The following CDKAL1 variants were observed in gnomAD, a reference collection of about 807,000 sequenced individuals.
The protein encoded by CDKAL1 is threonylcarbamoyladenosine tRNA methylthiotransferase.
Under a neutral mutation model 68.2 loss-of-function variants are expected in CDKAL1, and 32 were observed. The observed-to-expected ratio is 0.47, with a 90% CI of 0.35 to 0.63. The LOEUF (loss-of-function observed/expected upper bound fraction) is 0.63, where lower values mean the gene tolerates loss of function less well. Ranked by LOEUF, CDKAL1 falls within the 30% of genes least tolerant of loss-of-function variation. The probability of loss-of-function intolerance (pLI) is 0.00; values close to 1 mark genes in which losing one functional copy is unlikely to be tolerated. For missense variants in CDKAL1, 606 were observed against 696.7 expected (o/e 0.87, Z 1.47); for synonymous variants, 234 against 244.3 (o/e 0.96, Z 0.39).
In CDKAL1 at chr6:20,649,461, A is replaced by G. The variant is rs952772838; in HGVS notation, c.371+84A>G. ...AGATTAGCTTTTTAAAAATGTCAAT[A>G]TAGATATTTAGTTTATATTAAAAAA... On this transcript the variant is annotated intron_variant, in intron 5 of 15. Transcript: ENST00000274695. 6.8e-6 allele frequency: 5 copies of G among 730,086 alleles called. No individual in the cohort carries two copies. In the African/African-American group the frequency reaches 7.3e-5, roughly 11 times the overall value. The allele number at this position is 730,086 out of a possible 1,614,324, so 45.2% of individuals were successfully genotyped here.
intron 7 of CDKAL1, among the ~76,000 whole-genome samples, chr6:20,768,647 G>A (rs1000823284): frequency 6.6e-6 from 1 of 152,050 alleles, no homozygotes; most frequent in South Asian, 2.1e-4. Flanking sequence ...GCAGTTCTGG[G>A]CAGTGACAGG....
intron 15 of CDKAL1, among the ~76,000 whole-genome samples, chr6:21,206,885 C>A (rs1428281365): frequency 3.3e-5 from 5 of 151,788 alleles, no homozygotes; most frequent in Non-Finnish European, 5.9e-5. Flanking sequence ...CTTTAAAAAG[C>A]AGTGGTTTCC....
chr6:20,708,965 C>T (rs1479223980), intron 5 of CDKAL1, among the ~76,000 whole-genome samples: 1 of 152,030 alleles, frequency 6.6e-6, no homozygotes, highest in African/African-American at 2.4e-5. Context: ...TGCTTCAGTA[C>T]TTCATGATTT....
intron 11 of CDKAL1, among the ~76,000 whole-genome samples, chr6:21,019,744 G>A (rs1001949524): frequency 4.6e-5 from 7 of 152,098 alleles, no homozygotes; most frequent in Admixed American, 4.6e-4. Context: ...TCATCATACA[G>A]CAATAGACAA....
intron 8 of CDKAL1, among the ~76,000 whole-genome samples, chr6:20,798,464 G>A (rs780773710): frequency 3.0e-4 from 45 of 152,192 alleles, no homozygotes; most frequent in Non-Finnish European, 5.4e-4. Flanking sequence ...GCATGCACAC[G>A]TATGTTTATT....
intron 13 of CDKAL1, among the ~76,000 whole-genome samples, chr6:21,136,633 A>G (rs1775614578): frequency 6.6e-6 from 1 of 152,144 alleles, no homozygotes; most frequent in African/African-American, 2.4e-5. Flanking sequence ...AAATAAATCT[A>G]TTGCTCTTTC....
At chr6:21,186,332 G>C (rs889842766) in intron 13 of CDKAL1, among the ~76,000 whole-genome samples, 3 of 152,018 alleles carry the variant, frequency 2.0e-5, no homozygotes, top group Admixed American at 2.0e-4. Context: ...TGGGGAATGG[G>C]GGGGAATGTA....
intron 12 of CDKAL1, among the ~76,000 whole-genome samples, chr6:21,077,618 C>A (rs1772142090): frequency 6.6e-6 from 1 of 152,170 alleles, no homozygotes; most frequent in Admixed American, 6.5e-5. Flanking sequence ...AGGAAAGGGG[C>A]AGGGGGAAGT....
Position 20,672,904 on chromosome 6 carries a change from G to A in CDKAL1, c.371+23527G>A, listed in dbSNP as rs140530927. ...TGATTCTCCTGCCTCAGCCTCCCGA[G>A]TAGCTGGGATTACAGGCGCGAGCTA... On this transcript the variant is annotated intron_variant, in intron 5 of 15. Transcript: ENST00000274695. Among the ~76,000 whole-genome samples, 628 of 152,178 alleles carry A rather than the reference G, an allele frequency of 4.1e-3. 4 individuals are homozygous for A. Among genetic ancestry groups the A allele is most frequent in the Non-Finnish European group, 5.1e-3 (346 of 67,994 alleles).
chr6:20,566,130 A>T (rs184391384), intron 4 of CDKAL1, among the ~76,000 whole-genome samples: 52 of 152,250 alleles, frequency 3.4e-4, no homozygotes, highest in Non-Finnish European at 5.9e-5. Flanking sequence ...GTAAAATGTG[A>T]TATTAGACTA....
chr6:20,591,184 G>C (rs753163246), intron 4 of CDKAL1, among the ~76,000 whole-genome samples: 1 of 151,968 alleles, frequency 6.6e-6, no homozygotes, highest in Non-Finnish European at 1.5e-5. Flanking sequence ...CATATTCTTC[G>C]CCCACTTTTT....
chr6:21,058,346 G>T (rs1217518299), intron 11 of CDKAL1, among the ~76,000 whole-genome samples: 2 of 151,878 alleles, frequency 1.3e-5, no homozygotes, highest in African/African-American at 4.8e-5. Flanking sequence ...CTTGCTTTTT[G>T]CTGCTTTCCA....
chr6:20,570,485 C>G (rs1764655694), intron 4 of CDKAL1, among the ~76,000 whole-genome samples: 1 of 151,946 alleles, frequency 6.6e-6, no homozygotes, highest in African/African-American at 2.4e-5. Context: ...ACTGCAACCC[C>G]CGCCTCCTGG....
In CDKAL1 at chr6:21,138,366, A is replaced by T. The variant is rs2151030499; in HGVS notation, c.1299+29903A>T. On this transcript the variant is annotated intron_variant, in intron 13 of 15. Coordinates refer to ENST00000274695, the MANE Select transcript of CDKAL1 (RefSeq NM_017774.3). ...TTTCACAAACATAATTTTATTTCTA[A>T]CATTTTTGTAATCCAAATGTGCTAA... is the stretch of plus-strand genomic sequence containing the variant. Among the ~76,000 whole-genome samples, 3 of 152,304 alleles carry T rather than the reference A, an allele frequency of 2.0e-5. No individual in the cohort carries two copies. In the South Asian group the frequency reaches 6.2e-4, roughly 32 times the overall value.
intron 9 of CDKAL1, among the ~76,000 whole-genome samples, chr6:20,921,215 G>A (rs1228037417): frequency 6.6e-6 from 1 of 152,154 alleles, no homozygotes; most frequent in African/African-American, 2.4e-5. Flanking sequence ...CGGATCACGA[G>A]GTCAAGAGAT....
At chr6:20,881,996 C>T (rs1161464381) in intron 9 of CDKAL1, among the ~76,000 whole-genome samples, 1 of 152,114 alleles carries the variant, frequency 6.6e-6, no homozygotes, top group Non-Finnish European at 1.5e-5. Context: ...TGGTTTTGCC[C>T]TTTCCAGATA....
chr6:20,558,689 C>T, intron 4 of CDKAL1: 1 of 434,806 alleles, frequency 2.3e-6, no homozygotes, highest in South Asian at 1.7e-5. Context: ...AATAGATTGG[C>T]AGTGGTGACA....
chr6:20,844,724 AAG>A, intron 8 of CDKAL1, among the ~76,000 whole-genome samples: 1 of 152,180 alleles, frequency 6.6e-6, no homozygotes, highest in Admixed American at 6.5e-5. Context: ...AAACAAAAAA[AAG>A]AAAATATCGA....
At chr6:21,094,101 T>A (rs997208728) in intron 12 of CDKAL1, among the ~76,000 whole-genome samples, 11 of 152,000 alleles carry the variant, frequency 7.2e-5, no homozygotes, top group Non-Finnish European at 1.2e-4. Context: ...TATAATTAGG[T>A]ATTACTTGGG....
Sources: gnomAD v4.1 joint callset for allele counts (sites outside exome capture counted in the v4.1 genomes callset) on GRCh38, gnomAD v4.1.1 for gene constraint, MANE v1.5 for transcripts, NCBI Gene and HGNC (gene_info 2026-07-23, HGNC 2026-07-21) for gene names.